Variants in NEGR1 observed in about 807,000 individuals in gnomAD.
NEGR1 encodes the protein IgLON family member 4.
In NEGR1, 10 loss-of-function variants were observed where a neutral mutation model predicts 40.9. The ratio of observed to expected loss-of-function variants is 0.24; its 90% CI spans 0.15 to 0.42. NEGR1 has a LOEUF of 0.42. Among genes scored for constraint, NEGR1 ranks in the 10% least tolerant of loss-of-function variants. The pLI is 1.00. For synonymous variants in NEGR1, 185 were observed against 166.8 expected, an observed-to-expected ratio of 1.11 and a Z score of -0.84; for missense variants, 352 against 438.9, an observed-to-expected ratio of 0.80 and a Z score of 1.77.
chr1:71,860,606 T>C (rs1207461284), intron 2 of NEGR1, among the ~76,000 whole-genome samples: 2 of 152,004 alleles, frequency 1.3e-5, no homozygotes, highest in African/African-American at 4.8e-5. Context: ...ATAGTAAGAC[T>C]TACCTTAAAT....
intron 4 of NEGR1, among the ~76,000 whole-genome samples, chr1:71,636,113 T>G (rs1651140253): frequency 6.6e-6 from 1 of 152,092 alleles, no homozygotes; most frequent in Non-Finnish European, 1.5e-5. Flanking sequence ...ATAGCAATCC[T>G]AAGAGTGGTA....
chr1:71,520,234 A>G (rs1043678048), intron 6 of NEGR1, among the ~76,000 whole-genome samples: 1 of 152,074 alleles, frequency 6.6e-6, no homozygotes, highest in African/African-American at 2.4e-5. Flanking sequence ...AATGGATTTA[A>G]AATTATTTAA....
intron 1 of NEGR1, among the ~76,000 whole-genome samples, chr1:72,263,802 CA>C (rs1655547614): frequency 1.3e-5 from 2 of 150,718 alleles, no homozygotes; most frequent in South Asian, 2.1e-4. Context: ...GATAAACAAA[CA>C]AAAAAAATTA....
intron 1 of NEGR1, among the ~76,000 whole-genome samples, chr1:72,028,006 G>A (rs1373710591): frequency 2.0e-5 from 3 of 152,098 alleles, no homozygotes; most frequent in Admixed American, 1.3e-4. Context: ...CCTACCTCCC[G>A]CAGATTCAAC....
At chr1:71,619,111 T>A (rs1650535722) in intron 4 of NEGR1, among the ~76,000 whole-genome samples, 1 of 152,162 alleles carries the variant, frequency 6.6e-6, no homozygotes, top group Admixed American at 6.6e-5. Context: ...CTGGAACAGA[T>A]GTACCTGACA....
rs183292938 is a variant in NEGR1, at chr1:72,273,282, C to T, written c.176+9037G>A. Among the ~76,000 whole-genome samples, 307 of 152,026 alleles carry T rather than the reference C, an allele frequency of 2.0e-3. 1 individual carries two copies. The highest frequency in any genetic ancestry group is 6.0e-3 in the South Asian group (29 of 4,824). On this transcript the variant is annotated intron_variant, in intron 1 of 6. Transcript: ENST00000357731. Reference sequence around the variant, plus strand: ...CATATTAACAGCAAATTCTTTCTACCTCTATATCCTTATTGATTTTGTTTA... The same window carrying T: ...CATATTAACAGCAAATTCTTTCTACTTCTATATCCTTATTGATTTTGTTTA...
At chr1:71,481,425 G>A (rs1432036764) in intron 6 of NEGR1, among the ~76,000 whole-genome samples, 2 of 151,810 alleles carry the variant, frequency 1.3e-5, no homozygotes, top group Non-Finnish European at 2.9e-5. Context: ...CCTTCTGTTG[G>A]CTTTGTCCAC....
At chr1:71,564,325 G>T (rs1360245424) in intron 6 of NEGR1, among the ~76,000 whole-genome samples, 1 of 152,010 alleles carries the variant, frequency 6.6e-6, no homozygotes, top group Non-Finnish European at 1.5e-5. Flanking sequence ...AAGAATTAGA[G>T]AACTTAATTT....
intron 2 of NEGR1, among the ~76,000 whole-genome samples, chr1:71,785,575 C>T (rs1473702699): frequency 6.6e-6 from 1 of 152,138 alleles, no homozygotes; most frequent in African/African-American, 2.4e-5. Flanking sequence ...AGTGTAGTTA[C>T]TATTCCCATA....
intron 5 of NEGR1, among the ~76,000 whole-genome samples, chr1:71,594,270 T>C (rs1476627879): frequency 6.6e-6 from 1 of 152,200 alleles, no homozygotes; most frequent in Non-Finnish European, 1.5e-5. Flanking sequence ...TGTAAACTGA[T>C]AGTCCAAATG....
rs950785018 is a variant in NEGR1, at chr1:71,794,100, T to C, written c.410-17803A>G. 1.7e-4 allele frequency: 26 copies of C among 152,122 alleles called. 1 individual carries two copies. Among genetic ancestry groups the C allele is most frequent in the African/African-American group, 6.3e-4 (26 of 41,438 alleles). 9.4% of individuals were successfully genotyped at this position (152,122 alleles called of 1,614,324 possible). A position where few individuals can be genotyped will look rare whatever the true frequency, so the allele number is the denominator to read the frequency against. On this transcript the variant is annotated intron_variant, in intron 2 of 6. Coordinates refer to ENST00000357731, the MANE Select transcript of NEGR1 (RefSeq NM_173808.3). Reference sequence around the variant, plus strand: ...TCAAAGCAAAGGTGCAAACAAGTCATTGCTAATAGATAACTTGTCTTTGTA... The same window carrying C: ...TCAAAGCAAAGGTGCAAACAAGTCACTGCTAATAGATAACTTGTCTTTGTA...
intron 1 of NEGR1, among the ~76,000 whole-genome samples, chr1:72,006,786 G>C (rs1646611135): frequency 6.6e-6 from 1 of 152,120 alleles, no homozygotes; most frequent in Admixed American, 6.6e-5. Context: ...GAAGCATCTT[G>C]CAAAGACAAG....
At chr1:72,069,280 CAAAT>C (rs534768413) in intron 1 of NEGR1, among the ~76,000 whole-genome samples, 16 of 151,690 alleles carry the variant, frequency 1.1e-4, no homozygotes, top group African/African-American at 3.9e-4. Context: ...AACAAACAAA[CAAAT>C]AAAAAAACTC....
intron 4 of NEGR1, among the ~76,000 whole-genome samples, chr1:71,680,388 T>C (rs1652799598): frequency 6.6e-6 from 1 of 152,106 alleles, no homozygotes; most frequent in Non-Finnish European, 1.5e-5. Flanking sequence ...AATTTCCCAA[T>C]TTATTGATTG....
chr1:71,495,033 CTAA>C (rs1646952735), intron 6 of NEGR1, among the ~76,000 whole-genome samples: 1 of 152,104 alleles, frequency 6.6e-6, no homozygotes, highest in African/African-American at 2.4e-5. Context: ...ATGATTTGTA[CTAA>C]TATTTTCTTT....
intron 3 of NEGR1, among the ~76,000 whole-genome samples, chr1:71,726,828 C>T (rs999053857): frequency 1.5e-4 from 23 of 152,024 alleles, no homozygotes; most frequent in Non-Finnish European, 2.6e-4. Context: ...ATCCTAACTA[C>T]GAAGAGCAGT....
At chr1:71,600,600 AAG>A (rs895949034) in intron 5 of NEGR1, among the ~76,000 whole-genome samples, 7 of 152,186 alleles carry the variant, frequency 4.6e-5, no homozygotes, top group African/African-American at 1.7e-4. Flanking sequence ...AGAGGCCTGA[AAG>A]AGAGAGCTCA....
intron 1 of NEGR1, among the ~76,000 whole-genome samples, chr1:72,273,197 T>C (rs1307169917): frequency 6.6e-6 from 1 of 152,004 alleles, no homozygotes; most frequent in Non-Finnish European, 1.5e-5. Flanking sequence ...GTTAAAATGA[T>C]ACAAAAGTTA....
intron 1 of NEGR1, among the ~76,000 whole-genome samples, chr1:72,086,770 G>A (rs1297300344): frequency 6.6e-6 from 1 of 151,894 alleles, no homozygotes; most frequent in African/African-American, 2.4e-5. Flanking sequence ...ATAAGGTCGT[G>A]TTATATTTAT....
Sources: allele counts gnomAD v4.1 joint callset (sites outside exome capture counted in the v4.1 genomes callset), GRCh38; gene constraint gnomAD v4.1.1; transcripts MANE v1.5; gene names NCBI Gene and HGNC (gene_info 2026-07-23, HGNC 2026-07-21).